The following ST6GALNAC3 variants were observed in gnomAD, a reference collection of about 807,000 sequenced individuals.
The protein encoded by ST6GALNAC3 is ST6 N-acetylgalactosaminide alpha-2,6-sialyltransferase 3.
ST6GALNAC3 carries 25 observed loss-of-function variants against 32.7 expected under a neutral mutation model. The ratio of observed to expected loss-of-function variants is 0.76; its 90% CI spans 0.56 to 1.07. The LOEUF is 1.07. Ranked by LOEUF, ST6GALNAC3 falls within the 50% of genes least tolerant of loss-of-function variation. ST6GALNAC3 has a pLI of 0.00. For synonymous variants in ST6GALNAC3, 129 were observed against 133.1 expected, an observed-to-expected ratio of 0.97 and a Z score of 0.21; for missense variants, 355 against 382.4, an observed-to-expected ratio of 0.93 and a Z score of 0.60.
intron 2 of ST6GALNAC3, among the ~76,000 whole-genome samples, chr1:76,325,716 G>A (rs1647054975): frequency 6.7e-6 from 1 of 149,224 alleles, no homozygotes; most frequent in Non-Finnish European, 1.5e-5. Flanking sequence ...TCTAGTACTT[G>A]TCACAAATAA....
intron 3 of ST6GALNAC3, among the ~76,000 whole-genome samples, chr1:76,471,268 A>T (rs754217941): frequency 2.0e-5 from 3 of 152,132 alleles, no homozygotes; most frequent in Non-Finnish European, 2.9e-5. Flanking sequence ...TACTGTCTTC[A>T]TAAAACACCC....
rs61669800 is a variant in ST6GALNAC3, at chr1:76,249,731, A to G, written c.19-64074A>G. Among the ~76,000 whole-genome samples, 1,212 of 152,314 alleles carry G rather than the reference A, an allele frequency of 8.0e-3. 16 individuals carry two copies. The highest frequency in any genetic ancestry group is 0.028 in the African/African-American group (1,154 of 41,578). ...CATTTTACAATCCTACCAGAAATGT[A>G]TGAGGGAAACAATTTCTCGACAGCC... On this transcript the variant is annotated intron_variant, in intron 1 of 4. Transcript: ENST00000328299.
chr1:76,174,614 A>G (rs1201008032), intron 1 of ST6GALNAC3, among the ~76,000 whole-genome samples: 1 of 144,360 alleles, frequency 6.9e-6, no homozygotes, highest in Non-Finnish European at 1.5e-5. Flanking sequence ...GATCATGAAG[A>G]TTTTTTTCCA....
Position 76,634,248 on chromosome 1 carries a change from A to G in ST6GALNAC3, c.*5442A>G. On this transcript the variant is annotated 3_prime_UTR_variant, in exon 5 of 5. Coordinates refer to ENST00000328299, the MANE Select transcript of ST6GALNAC3 (RefSeq NM_152996.4). ...AACTACCAAGTTCACATATTTGCCT[A>G]TGAAGTGAGAGCTATTTCTAAGAAA... 2.0e-5 allele frequency: 16 copies of G among 799,804 alleles called. No homozygotes were observed. Among genetic ancestry groups the G allele is most frequent in the Non-Finnish European group, 2.4e-5 (16 of 660,592 alleles). The allele number at this position is 799,804 out of a possible 1,614,324, so 49.5% of individuals were successfully genotyped here.
chr1:76,310,294 A>G (rs1456663278), intron 1 of ST6GALNAC3, among the ~76,000 whole-genome samples: 1 of 152,160 alleles, frequency 6.6e-6, no homozygotes, highest in Non-Finnish European at 1.5e-5. Context: ...TCACTTCATT[A>G]AACTGTTACC....
chr1:76,121,254 C>T (rs776452278), intron 1 of ST6GALNAC3, among the ~76,000 whole-genome samples: 10 of 152,192 alleles, frequency 6.6e-5, no homozygotes, highest in Admixed American at 2.6e-4. Flanking sequence ...AGGGATCACC[C>T]GTTGTTCTTT....
chr1:76,629,654 T>G lies in ST6GALNAC3; in HGVS notation c.*848T>G. ...TGTAATAACATATACTGTGAAAACA[T>G]TCCTAAAAAGTAACCAAAGGGTTTG... is the stretch of plus-strand genomic sequence containing the variant. On this transcript the variant is annotated 3_prime_UTR_variant, in exon 5 of 5. Transcript: ENST00000328299. 1.0e-6 allele frequency: 1 copy of G among 985,388 alleles called. No individual in the cohort carries two copies. Among genetic ancestry groups the G allele is most frequent in the Non-Finnish European group, 1.2e-6 (1 of 829,634 alleles). 61.0% of individuals were successfully genotyped at this position (985,388 alleles called of 1,614,324 possible). A position where few individuals can be genotyped will look rare whatever the true frequency, so the allele number is the denominator to read the frequency against.
At chr1:76,389,646 G>A (rs757784222) in intron 2 of ST6GALNAC3, among the ~76,000 whole-genome samples, 47 of 152,196 alleles carry the variant, frequency 3.1e-4, no homozygotes, top group Admixed American at 1.0e-3. Context: ...ACTGTGTTTC[G>A]ACATACTTCA....
chr1:76,235,022 A>C lies in ST6GALNAC3; in HGVS notation c.19-78783A>C, dbSNP rs565273110. The stretch of plus-strand genomic sequence containing the variant: ...CTTCTCTACAGAGTCGCTGGTGGTT[A>C]AACTCAAAGTAGCAGGGCCTCACAT... On this transcript the variant is annotated intron_variant, in intron 1 of 4. Transcript: ENST00000328299. 2.0e-5 allele frequency among the ~76,000 whole-genome samples: 3 copies of C among 152,288 alleles called. 1 individual carries two copies. The highest frequency in any genetic ancestry group is 4.2e-4 in the South Asian group (2 of 4,818).
intron 1 of ST6GALNAC3, among the ~76,000 whole-genome samples, chr1:76,259,525 A>G (rs948551207): frequency 6.6e-6 from 1 of 152,172 alleles, no homozygotes; most frequent in African/African-American, 2.4e-5. Context: ...CACCACCTCC[A>G]TCATCATCAT....
intron 2 of ST6GALNAC3, among the ~76,000 whole-genome samples, chr1:76,365,654 A>G (rs1290019809): frequency 6.6e-6 from 1 of 152,164 alleles, no homozygotes; most frequent in Non-Finnish European, 1.5e-5. Context: ...CAAAATTAAG[A>G]TCTTTTCTAA....
chr1:76,485,370 T>G (rs1218819410), intron 3 of ST6GALNAC3, among the ~76,000 whole-genome samples: 1 of 152,222 alleles, frequency 6.6e-6, no homozygotes, highest in East Asian at 1.9e-4. Flanking sequence ...TTTTGGTTGG[T>G]AGGCTATTAA....
chr1:76,172,942 A>G (rs1652618025), intron 1 of ST6GALNAC3, among the ~76,000 whole-genome samples: 1 of 152,222 alleles, frequency 6.6e-6, no homozygotes, highest in Non-Finnish European at 1.5e-5. Flanking sequence ...TGCTATTCCT[A>G]TCAAACTACC....
At chr1:76,393,939 G>C (rs1307604693) in intron 2 of ST6GALNAC3, among the ~76,000 whole-genome samples, 1 of 152,118 alleles carries the variant, frequency 6.6e-6, no homozygotes, top group Admixed American at 6.5e-5. Context: ...TAGGGTATGT[G>C]GTTTGGAAGA....
At chr1:76,230,123 G>A (rs1656286772) in intron 1 of ST6GALNAC3, among the ~76,000 whole-genome samples, 1 of 152,172 alleles carries the variant, frequency 6.6e-6, no homozygotes, top group Non-Finnish European at 1.5e-5. Context: ...TACAACAGGA[G>A]TGAAAAACAA....
intron 2 of ST6GALNAC3, among the ~76,000 whole-genome samples, chr1:76,358,216 G>A (rs1258653472): frequency 6.6e-6 from 1 of 152,142 alleles, no homozygotes. Flanking sequence ...ATCGATGCTT[G>A]TGGCTTCAAT....
rs1017141310 is a variant in ST6GALNAC3 at position 76,400,506 on chromosome 1, C to T, written c.214-11502C>T. The stretch of plus-strand genomic sequence containing the variant: ...TTTTCTCAAAAATGAATGAAGTGGG[C>T]CTGCCTCTTCAGGAAAATAACAATG... On this transcript the variant is annotated intron_variant, in intron 2 of 4. Coordinates refer to ENST00000328299, the MANE Select transcript of ST6GALNAC3 (RefSeq NM_152996.4). 4.6e-5 allele frequency among the ~76,000 whole-genome samples: 7 copies of T among 152,070 alleles called. No individual in the cohort carries two copies. In the South Asian group the frequency reaches 1.0e-3, roughly 23 times the overall value.
intron 1 of ST6GALNAC3, among the ~76,000 whole-genome samples, chr1:76,266,875 G>C (rs554433582): frequency 3.2e-4 from 49 of 152,312 alleles, no homozygotes; most frequent in African/African-American, 1.2e-3. Flanking sequence ...AGGCCCAGCT[G>C]TTCTGTAGGA....
chr1:76,308,271 A>G (rs1365737421), intron 1 of ST6GALNAC3, among the ~76,000 whole-genome samples: 1 of 152,096 alleles, frequency 6.6e-6, no homozygotes, highest in Non-Finnish European at 1.5e-5. Flanking sequence ...ATCAGTAGTT[A>G]TGTCGTAATA....
Sources: gnomAD v4.1 joint callset for allele counts (sites outside exome capture counted in the v4.1 genomes callset) on GRCh38, gnomAD v4.1.1 for gene constraint, MANE v1.5 for transcripts, NCBI Gene and HGNC (gene_info 2026-07-23, HGNC 2026-07-21) for gene names.